JUP: variants seen among roughly 807,000 people sequenced by gnomAD.
The protein encoded by JUP is junction plakoglobin, also known as catenin (cadherin-associated protein), gamma 80kDa.
Under a neutral mutation model 71.1 loss-of-function variants are expected in JUP, and 28 were observed. The observed-to-expected ratio is 0.39, with a 90% CI of 0.29 to 0.54. The LOEUF (loss-of-function observed/expected upper bound fraction) is 0.54, where lower values mean the gene tolerates loss of function less well. Ranked by LOEUF, JUP falls within the 20% of genes least tolerant of loss-of-function variation. The pLI is 0.62. For missense variants in JUP, 869 were observed against 1,030.1 expected (o/e 0.84, Z 2.14); for synonymous variants, 401 against 438.9 (o/e 0.91, Z 1.08).
chr17:41,760,653 C>T (rs1258085774), intron 8 of JUP, among the ~76,000 whole-genome samples: 3 of 152,134 alleles, frequency 2.0e-5, no homozygotes, highest in Admixed American at 6.6e-5. Context: ...CTCTGCCTTC[C>T]GGGTTCAAGT....
At chr17:41,765,888 T>C (rs1212902367) in intron 5 of JUP, among the ~76,000 whole-genome samples, 2 of 152,182 alleles carry the variant, frequency 1.3e-5, no homozygotes, top group Non-Finnish European at 1.5e-5. Context: ...ATTACAGCAT[T>C]GTTTATAAAG....
intron 10 of JUP, 161 bp downstream of exon 10, chr17:41,758,238 G>A: frequency 1.3e-6 from 1 of 764,056 alleles, no homozygotes. Context: ...CCATGCCCAT[G>A]CAGGGGGTTG....
At chr17:41,758,370 C>G (rs781940710) in intron 10 of JUP, 29 bp downstream of exon 10, 2 of 1,611,774 alleles carry the variant, frequency 1.2e-6, no homozygotes, top group Non-Finnish European at 1.7e-6. Flanking sequence ...GGTGGGGGGA[C>G]CTCTCCTGCC....
intron 13 of JUP, 79 bp downstream of exon 13, chr17:41,756,095 GA>G: frequency 6.9e-7 from 1 of 1,446,168 alleles, no homozygotes; most frequent in South Asian, 1.2e-5. Flanking sequence ...TGGCCCCGGA[GA>G]CATAATATTG....
In JUP at chr17:41,768,975, A is replaced by G; in HGVS notation, c.701T>C (p.Met234Thr). Residue 234 changes from methionine to threonine, a missense_variant, in exon 4 of 14, where the codon ATG (methionine) becomes ACG (threonine). By Grantham distance (81) the Met-to-Thr change is moderately conservative. Transcript: ENST00000393931. ...KSGGIPALVRMLSSPVESVLF... is the reference protein window; with the variant it reads ...KSGGIPALVRTLSSPVESVLF... ...AGTGAGCAGGGTTGGGTACCTGAGC[A>G]TGCGGACCAGAGCAGGGATGCCACC... is the stretch of plus-strand genomic sequence containing the variant. 6.2e-7 allele frequency: 1 copy of G among 1,604,682 alleles called. No individual in the cohort carries two copies. The highest frequency in any genetic ancestry group is 1.1e-5 in the South Asian group (1 of 89,544).
chr17:41,783,816 G>A (rs2047303163), intron 1 of JUP, among the ~76,000 whole-genome samples: 1 of 149,882 alleles, frequency 6.7e-6, no homozygotes, highest in Non-Finnish European at 1.5e-5. Flanking sequence ...CTACTCAGGA[G>A]GCTGAGGCAG....
chr17:41,772,085 C>T (rs1306071720), intron 1 of JUP: 7 of 633,024 alleles, frequency 1.1e-5, no homozygotes, highest in Admixed American at 2.2e-5. Flanking sequence ...CCCAGGGGTG[C>T]GGCTGTGTGT....
At chr17:41,758,363 G>T (rs782311134) in intron 10 of JUP, 36 bp downstream of exon 10, 3 of 1,610,834 alleles carry the variant, frequency 1.9e-6, no homozygotes, top group Admixed American at 1.7e-5. Context: ...AAGCAGTGGT[G>T]GGGGGACCTC....
In JUP at chr17:41,758,813, G is replaced by C. The variant is rs139454583; in HGVS notation, c.1555C>G (p.Gln519Glu). The C allele has an allele frequency of 1.2e-6, 2 of 1,611,132 alleles. No individual in the cohort carries two copies. Among genetic ancestry groups the C allele is most frequent in the African/African-American group, 2.7e-5 (2 of 74,900 alleles). ...ALCPANHAPLQEAAVIPRLVQ... is the reference protein window; with the variant it reads ...ALCPANHAPLEEAAVIPRLVQ... ...AGGCGGGGGATGACCGCTGCCTCCTGCAGCGGGGCATGGTTGGCTGGGCAC... is the reference window on the plus strand; with the variant it reads ...AGGCGGGGGATGACCGCTGCCTCCTCCAGCGGGGCATGGTTGGCTGGGCAC... The change falls in exon 9 of 14, where the codon CAG (glutamine) becomes GAG (glutamate). Residue 519 changes from glutamine (Q) to glutamate (E), a missense_variant. Coordinates refer to ENST00000393931, the MANE Select transcript of JUP (RefSeq NM_002230.4).
intron 1 of JUP, chr17:41,772,709 C>T: frequency 2.8e-6 from 2 of 712,488 alleles, no homozygotes; most frequent in Non-Finnish European, 3.4e-6. Context: ...AGTGCTTCCT[C>T]ACCTCCTGGT....
intron 1 of JUP, among the ~76,000 whole-genome samples, chr17:41,785,368 A>ACCC (rs1297339661): frequency 6.6e-6 from 1 of 152,026 alleles, no homozygotes; most frequent in African/African-American, 2.4e-5. Context: ...ACAACCACTT[A>ACCC]CGCAGGCCTT....
rs1915921142 is a variant in JUP, at chr17:41,767,519, G to T, written c.769C>A (p.Gln257Lys). 6.2e-7 allele frequency: 1 copy of T among 1,613,894 alleles called. No homozygotes were observed. Among genetic ancestry groups the T allele is most frequent in the Non-Finnish European group, 8.5e-7 (1 of 1,180,028 alleles). The change falls in exon 5 of 14, where the codon CAG (glutamine) becomes AAG (lysine). Residue 257 changes from glutamine (Q) to lysine (K), a missense_variant. Coordinates refer to ENST00000393931, the MANE Select transcript of JUP (RefSeq NM_002230.4). ...CGCACGGCCATCTTGGCGCCCTCCTGGTACAGGAGCAGGTTGTGCAGCGTG... is the reference window on the plus strand; with the variant it reads ...CGCACGGCCATCTTGGCGCCCTCCTTGTACAGGAGCAGGTTGTGCAGCGTG... ...ITTLHNLLLY[Q>K]EGAKMAVRLA...
chr17:41,782,007 C>T (rs868974538), intron 1 of JUP, among the ~76,000 whole-genome samples: 1 of 152,166 alleles, frequency 6.6e-6, no homozygotes, highest in Non-Finnish European at 1.5e-5. Flanking sequence ...GCCTTCTCCA[C>T]GATCAATAAT....
chr17:41,760,266 T>C (rs1416516415), intron 8 of JUP, among the ~76,000 whole-genome samples: 5 of 151,568 alleles, frequency 3.3e-5, no homozygotes, highest in African/African-American at 1.2e-4. Flanking sequence ...TTTTTGTTTG[T>C]TTTTTTTGAG....
At position 41,784,836 on chromosome 17, in the gene JUP, C is replaced by T. The variant is rs1182518596; in HGVS notation, c.-9+1752G>A. On this transcript the variant is annotated intron_variant, in intron 1 of 13. Transcript: ENST00000393931. ...CACAATCTTTCTCCCACCCCCAGGA[C>T]TGAGAGAGAACCCAACTGTTGTATT... is the stretch of plus-strand genomic sequence containing the variant. The T allele has an allele frequency of 3.9e-5, 6 of 152,180 alleles. No individual in the cohort carries two copies. In the East Asian group the frequency reaches 1.2e-3, roughly 29 times the overall value. The allele number at this position is 152,180 out of a possible 1,614,324, so 9.4% of individuals were successfully genotyped here. A position where few individuals can be genotyped will look rare whatever the true frequency, so the allele number is the denominator to read the frequency against.
At chr17:41,771,898 G>A (rs782465612) in intron 1 of JUP, 36 bp from the exon 2 acceptor site, 12 of 1,542,636 alleles carry the variant, frequency 7.8e-6, no homozygotes, top group Non-Finnish European at 9.7e-6. Flanking sequence ...GAAGCAGGAA[G>A]TCACCTGGCC....
rs199826380 is a variant in JUP, at chr17:41,763,308, C to G, written c.1172G>C (p.Ser391Thr). The change falls in exon 8 of 14, where the codon AGT becomes ACT. Residue 391 changes from serine (S) to threonine (T), a missense_variant. Coordinates refer to ENST00000393931, the MANE Select transcript of JUP (RefSeq NM_002230.4). ...CTGATTCACCAGAATCTTCAGCACA[C>G]TCTCCAGGCCCTCCTGGAGGGCAAG... The part of the protein sequence containing the change: ...DVATKQEGLE[S>T]VLKILVNQLS... The G allele has an allele frequency of 1.2e-6, 2 of 1,614,046 alleles. No individual in the cohort carries two copies. The highest frequency in any genetic ancestry group is 4.5e-5 in the East Asian group (2 of 44,872).
rs61669548 is a variant in JUP at position 41,767,326 on chromosome 17, G to A, written c.909+53C>T. ...CAGCGGCCCAAGGCTGTGCAGGATA[G>A]AAGATGGCGCAAGGGTGGGCTTCAG... On this transcript the variant is annotated intron_variant, in intron 5 of 13. Coordinates refer to ENST00000393931, the MANE Select transcript of JUP (RefSeq NM_002230.4). The A allele has an allele frequency of 2.7e-6, 4 of 1,497,046 alleles. No homozygotes were observed. In the South Asian group the frequency reaches 4.5e-5, roughly 17 times the overall value. 92.7% of individuals were successfully genotyped at this position (1,497,046 alleles called of 1,614,324 possible). A position where few individuals can be genotyped will look rare whatever the true frequency, so the allele number is the denominator to read the frequency against.
Position 41,767,046 on chromosome 17 carries a change from C to CAA in JUP, c.909+331_909+332dup, listed in dbSNP as rs57624378. On this transcript the variant is annotated intron_variant, in intron 5 of 13. Transcript: ENST00000393931. ...TGTGTGACAGAGTGAGACCCTGTCT[C>CAA]AAAAAAAAAAAAAAAAAATCAGGCA... Among the ~76,000 whole-genome samples the CAA allele has an allele frequency of 4.5e-3, 340 of 75,648 alleles. 5 individuals are homozygous for CAA. The highest frequency in any genetic ancestry group is 0.013 in the African/African-American group (326 of 24,398). 49.6% of individuals were successfully genotyped at this position (75,648 alleles called of 152,430 possible). A position where few individuals can be genotyped will look rare whatever the true frequency, so the allele number is the denominator to read the frequency against.
Sources: allele counts gnomAD v4.1 joint callset (sites outside exome capture counted in the v4.1 genomes callset), GRCh38; gene constraint gnomAD v4.1.1; transcripts MANE v1.5; gene names NCBI Gene and HGNC (gene_info 2026-07-23, HGNC 2026-07-21).